Variants in SPEG observed in about 807,000 individuals in gnomAD.
The protein encoded by SPEG is striated muscle preferentially expressed protein kinase.
Under a neutral mutation model 300.4 loss-of-function variants are expected in SPEG, and 114 were observed. The ratio of observed to expected loss-of-function variants is 0.38; its 90% CI spans 0.33 to 0.44. The LOEUF (loss-of-function observed/expected upper bound fraction) is 0.44. SPEG is among the 20% of genes least tolerant of loss of function. SPEG has a pLI of 1.00. For missense variants in SPEG, 4,201 were observed against 4,586.2 expected, an observed-to-expected ratio of 0.92 and a Z score of 2.43; for synonymous variants, 1,964 against 2,018.9, an observed-to-expected ratio of 0.97 and a Z score of 0.73.
At chr2:219,482,276 A>G (rs1056886184) in intron 28 of SPEG, 1 of 171,264 alleles carries the variant, frequency 5.8e-6, no homozygotes, top group Admixed American at 5.5e-5. Flanking sequence ...TCATTCGGGT[A>G]TCAGGAGTTG....
At chr2:219,457,963 C>T (rs546244352) in intron 6 of SPEG, among the ~76,000 whole-genome samples, 1 of 152,328 alleles carries the variant, frequency 6.6e-6, no homozygotes, top group East Asian at 1.9e-4. Flanking sequence ...CTCCCGCCTT[C>T]TATACTCCCA....
Position 219,488,212 on chromosome 2 carries a change from A to G in SPEG, c.7760A>G (p.His2587Arg), listed in dbSNP as rs576909918. 5.0e-6 allele frequency: 8 copies of G among 1,612,946 alleles called. No homozygotes were observed. The South Asian group carries it at 8.8e-5, about 18-fold the overall frequency. The change falls in exon 32 of 41, where the codon CAC becomes CGC. Residue 2587 changes from histidine to arginine, a missense_variant. His to Arg is a conservative substitution (Grantham distance 29). This residue lies in a region of SPEG where 1,578 missense variants were observed against 1,506.0 expected (regional missense o/e 1.05). Transcript: ENST00000312358. ...CCTCCAGACTTCCCCCCAGTCTTCC[A>G]CATCAAACTCAAGGACCAGGTGCTG... is the stretch of plus-strand genomic sequence containing the variant. Reference protein sequence around the residue: ...RSESDFPPVFHIKLKDQVLLE... With the variant: ...RSESDFPPVFRIKLKDQVLLE...
At chr2:219,462,656 C>A (rs1217166208) in intron 8 of SPEG, among the ~76,000 whole-genome samples, 1 of 152,250 alleles carries the variant, frequency 6.6e-6, no homozygotes, top group Non-Finnish European at 1.5e-5. Context: ...GTGGCTCACG[C>A]CTGTAATCCC....
intron 9 of SPEG, chr2:219,465,604 G>A (rs1298900055): frequency 9.2e-6 from 2 of 217,236 alleles, no homozygotes; most frequent in South Asian, 7.2e-5. Flanking sequence ...AGGCTTTGGG[G>A]TGCTCCTGAT....
intron 1 of SPEG, chr2:219,441,587 G>A (rs577791244): frequency 2.1e-6 from 1 of 470,866 alleles, no homozygotes; most frequent in African/African-American, 2.0e-5. Flanking sequence ...GAGGCCCCGC[G>A]GGAGGAGGTG....
intron 6 of SPEG, chr2:219,461,300 G>A: frequency 1.0e-6 from 1 of 987,084 alleles, no homozygotes; most frequent in South Asian, 4.7e-5. Context: ...GTGGCCAACA[G>A]GTGCCCCTGG....
rs751382293 is a variant in SPEG at position 219,444,794 on chromosome 2, T to G, written c.479-31T>G. 2 of 1,610,032 alleles carry G rather than the reference T, an allele frequency of 1.2e-6. No homozygotes were observed. The highest frequency in any genetic ancestry group is 2.2e-5 in the East Asian group (1 of 44,754). ...AGGCAGGCGGGTTTTCCATAAGGGG[T>G]GCCTCAGTCTCACGGTGCTCCTTTC... On this transcript the variant is annotated intron_variant, in intron 2 of 40. Coordinates refer to ENST00000312358, the MANE Select transcript of SPEG (RefSeq NM_005876.5). This position sits in a 1 kb window ranked among gnomAD's most constrained non-coding sequence, Gnocchi z 7.8.
chr2:219,487,739 G>T (rs1468682655), intron 31 of SPEG, among the ~76,000 whole-genome samples: 1 of 152,306 alleles, frequency 6.6e-6, no homozygotes, highest in South Asian at 2.1e-4. Flanking sequence ...TTCCTCATTT[G>T]GTCCCATCTC....
In SPEG at chr2:219,479,494, C is replaced by A. The variant is rs1283572014; in HGVS notation, c.5086-289C>A. 4.6e-5 allele frequency among the ~76,000 whole-genome samples: 7 copies of A among 152,228 alleles called. No individual in the cohort carries two copies. The highest frequency in any genetic ancestry group is 1.0e-4 in the Non-Finnish European group (7 of 68,042). On this transcript the variant is annotated intron_variant, in intron 23 of 40. Transcript: ENST00000312358. This position sits in a 1 kb window ranked among gnomAD's most constrained non-coding sequence, Gnocchi z 5.5. ...CCCCAAACATTTCTCCTGGAAGGAG[C>A]CCCACCTAGATTTTATTGATCTCAC...
chr2:219,467,395 G>A lies in SPEG; in HGVS notation c.3103G>A (p.Asp1035Asn), dbSNP rs1575117752. The A allele has an allele frequency of 9.3e-6, 15 of 1,611,654 alleles. No individual in the cohort carries two copies. The highest frequency in any genetic ancestry group is 1.3e-5 in the Non-Finnish European group (15 of 1,179,492). ...GCTACTTACATCTGTACATGAGGAC[G>A]ACAGTGGCGTCTACACCTGCAAGCT... ...KLLLTSVHEDDSGVYTCKLST... is the reference protein window; with the variant it reads ...KLLLTSVHEDNSGVYTCKLST... The change falls in exon 10 of 41, where the codon GAC becomes AAC. Residue 1035 changes from aspartate to asparagine, a missense_variant. This residue lies in a region of SPEG where 1,047 missense variants were observed against 1,356.8 expected (regional missense o/e 0.77). Coordinates refer to ENST00000312358, the MANE Select transcript of SPEG (RefSeq NM_005876.5).
At chr2:219,452,962 C>A (rs1187771190) in intron 6 of SPEG, among the ~76,000 whole-genome samples, 4 of 152,246 alleles carry the variant, frequency 2.6e-5, no homozygotes, top group Non-Finnish European at 5.9e-5. Flanking sequence ...TCTTCATCCT[C>A]CTTAGCTGCA....
At position 219,443,990 on chromosome 2, in the gene SPEG, CTG is replaced by C. The variant is rs1689098839; in HGVS notation, c.389-661_389-660del. The C allele has an allele frequency of 7.4e-7, 1 of 1,360,478 alleles. No homozygotes were observed. The highest frequency in any genetic ancestry group is 9.8e-7 in the Non-Finnish European group (1 of 1,018,778). 84.3% of individuals were successfully genotyped at this position (1,360,478 alleles called of 1,614,324 possible). A position where few individuals can be genotyped will look rare whatever the true frequency, so the allele number is the denominator to read the frequency against. On this transcript the variant is annotated intron_variant, in intron 1 of 40. Coordinates refer to ENST00000312358, the MANE Select transcript of SPEG (RefSeq NM_005876.5). This position sits in a 1 kb window ranked among gnomAD's most constrained non-coding sequence, Gnocchi z 4.6. ...GCCCCACAAACGCTCTGATAACAGT[CTG>C]TCCCTGTCTCTCTCCTGCTGCTCCT...
intron 39 of SPEG, 87 bp from the exon 40 acceptor site, chr2:219,492,024 G>A: frequency 6.8e-7 from 1 of 1,465,502 alleles, no homozygotes; most frequent in African/African-American, 1.4e-5. Flanking sequence ...ATGGCCCTGA[G>A]CACTGTGCAC....
rs138472398 is a variant in SPEG at position 219,485,944 on chromosome 2, G to C, written c.7741+467G>C. Among the ~76,000 whole-genome samples the C allele has an allele frequency of 1.7e-3, 261 of 152,122 alleles. 1 individual carries two copies. The highest frequency in any genetic ancestry group is 6.1e-3 in the African/African-American group (253 of 41,496). On this transcript the variant is annotated intron_variant, in intron 31 of 40. Coordinates refer to ENST00000312358, the MANE Select transcript of SPEG (RefSeq NM_005876.5). ...TGGCTGTACTTTTCAAGGAGCTCAAGATATAGGGCCCTCCTGCCTCCACAG... is the reference window on the plus strand; with the variant it reads ...TGGCTGTACTTTTCAAGGAGCTCAACATATAGGGCCCTCCTGCCTCCACAG...
Position 219,490,700 on chromosome 2 carries a change from C to T in SPEG, c.9162-33C>T, listed in dbSNP as rs201599437. On this transcript the variant is annotated intron_variant, in intron 37 of 40. Coordinates refer to ENST00000312358, the MANE Select transcript of SPEG (RefSeq NM_005876.5). Reference sequence around the variant, plus strand: ...GAGGAAGAGGTAGGGGAGGCTGGGCCGGGTATCATCTGCTCCATCCCTGCC... The same window carrying T: ...GAGGAAGAGGTAGGGGAGGCTGGGCTGGGTATCATCTGCTCCATCCCTGCC... The T allele has an allele frequency of 9.9e-6, 16 of 1,610,738 alleles. No homozygotes were observed. The Admixed American group carries it at 1.2e-4, about 12-fold the overall frequency.
chr2:219,462,494 G>A lies in SPEG; in HGVS notation c.2705+108G>A, dbSNP rs146737498. 9.6e-3 allele frequency: 8,451 copies of A among 878,502 alleles called. 81 individuals carry two copies. The highest frequency in any genetic ancestry group is 0.02 in the South Asian group (1,235 of 61,904). 54.4% of individuals were successfully genotyped at this position (878,502 alleles called of 1,614,324 possible). On this transcript the variant is annotated intron_variant, in intron 8 of 40. Transcript: ENST00000312358. ...ATGGAATCTTGGTGGGCTTCCCCAT[G>A]ATCTGCCTCAGGGGCCTCATCTCAG...
Position 219,489,905 on chromosome 2 carries a change from C to G in SPEG, c.8887C>G (p.Gln2963Glu). ...EGTTLRQGPPQKPYTFLEEKA... is the reference protein window; with the variant it reads ...EGTTLRQGPPEKPYTFLEEKA... The stretch of plus-strand genomic sequence containing the variant: ...TACCACTCTTCGACAGGGTCCCCCT[C>G]AGAAACCCTACACCTTCCTGGAGGA... The change falls in exon 36 of 41, where the codon CAG becomes GAG. Residue 2963 changes from glutamine to glutamate, a missense_variant. Gln to Glu is a conservative substitution (Grantham distance 29, BLOSUM62 2). Transcript: ENST00000312358. 4 of 1,590,870 alleles carry G rather than the reference C, an allele frequency of 2.5e-6. No individual in the cohort carries two copies. Among genetic ancestry groups the G allele is most frequent in the Non-Finnish European group, 3.4e-6 (4 of 1,164,022 alleles).
intron 14 of SPEG, 64 bp downstream of exon 14, chr2:219,472,051 T>C: frequency 6.3e-7 from 1 of 1,591,820 alleles, no homozygotes; most frequent in South Asian, 1.1e-5. Flanking sequence ...ACGTGGGGGC[T>C]CAGGGAAAGG....
rs1575212847 is a variant in SPEG, at chr2:219,493,428, T to C, written c.*642T>C. 2.5e-6 allele frequency: 1 copy of C among 407,938 alleles called. No homozygotes were observed. Among genetic ancestry groups the C allele is most frequent in the South Asian group, 1.8e-5 (1 of 55,232 alleles). 25.3% of individuals were successfully genotyped at this position (407,938 alleles called of 1,614,324 possible). A position where few individuals can be genotyped will look rare whatever the true frequency, so the allele number is the denominator to read the frequency against. ...TCCTCCTGTCCAGTGGATACAGCCCTGGGCGCTCTGCTGGCCCAAGGATGT... is the reference window on the plus strand; with the variant it reads ...TCCTCCTGTCCAGTGGATACAGCCCCGGGCGCTCTGCTGGCCCAAGGATGT... On this transcript the variant is annotated 3_prime_UTR_variant, in exon 41 of 41. Transcript: ENST00000312358.
Sources: allele counts gnomAD v4.1 joint callset (sites outside exome capture counted in the v4.1 genomes callset), GRCh38; gene constraint gnomAD v4.1.1; regional missense constraint gnomAD v4.1.1; non-coding constraint Gnocchi (gnomAD v3.1); transcripts MANE v1.5; gene names NCBI Gene and HGNC (gene_info 2026-07-23, HGNC 2026-07-21).